CDKN2B-AS1: variants seen among roughly 807,000 people sequenced by gnomAD.
The protein encoded by CDKN2B-AS1 is CDKN2B antisense RNA 1 (non-protein coding).
chr9:22,074,686 T>C (rs1368970507), intron 4 of CDKN2B-AS1, among the ~76,000 whole-genome samples: 1 of 152,216 alleles, frequency 6.6e-6, no homozygotes. Flanking sequence ...ATGCTTTTCT[T>C]GCACTTTACT....
intron 1 of CDKN2B-AS1, among the ~76,000 whole-genome samples, chr9:22,010,349 T>C (rs1185655492): frequency 6.6e-6 from 1 of 152,212 alleles, no homozygotes; most frequent in African/African-American, 2.4e-5. Flanking sequence ...CCGCAAGTTA[T>C]GGATTTGTTG....
intron 1 of CDKN2B-AS1, among the ~76,000 whole-genome samples, chr9:22,020,062 C>T (rs1821952699): frequency 6.6e-6 from 1 of 152,102 alleles, no homozygotes; most frequent in Admixed American, 6.5e-5. Context: ...TGTGTTGTTC[C>T]CCTCTGTGTG....
chr9:22,124,623 A>T (rs1396537329), intron 4 of CDKN2B-AS1, among the ~76,000 whole-genome samples: 1 of 152,184 alleles, frequency 6.6e-6, no homozygotes, highest in Non-Finnish European at 1.5e-5. Context: ...TCTATTTTTT[A>T]AAAAACTAAC....
At chr9:22,079,507 A>T (rs777714060) in intron 4 of CDKN2B-AS1, among the ~76,000 whole-genome samples, 4 of 107,852 alleles carry the variant, frequency 3.7e-5, no homozygotes, top group East Asian at 2.1e-4. Flanking sequence ...AACACCATCT[A>T]AAAAAAAAAA....
chr9:22,068,360 T>C (rs1320876457), intron 4 of CDKN2B-AS1, among the ~76,000 whole-genome samples: 1 of 152,116 alleles, frequency 6.6e-6, no homozygotes, highest in African/African-American at 2.4e-5. Flanking sequence ...TGCAAGGGAA[T>C]ATAATCTAAT....
chr9:22,110,468 G>A (rs1825777284), intron 4 of CDKN2B-AS1, among the ~76,000 whole-genome samples: 1 of 152,040 alleles, frequency 6.6e-6, no homozygotes, highest in Non-Finnish European at 1.5e-5. Flanking sequence ...AGTACTTTTT[G>A]GTATTTTCTT....
intron 4 of CDKN2B-AS1, among the ~76,000 whole-genome samples, chr9:22,087,282 G>T (rs1047891994): frequency 6.6e-6 from 1 of 152,234 alleles, no homozygotes; most frequent in Non-Finnish European, 1.5e-5. Context: ...GTTGGGTGAA[G>T]AGTTGGTGCT....
At chr9:22,042,663 A>G (rs1822944297) in intron 1 of CDKN2B-AS1, among the ~76,000 whole-genome samples, 1 of 152,092 alleles carries the variant, frequency 6.6e-6, no homozygotes, top group Non-Finnish European at 1.5e-5. Flanking sequence ...ATGTCTTCAG[A>G]ATGTTGTTTC....
At chr9:22,093,714 C>T (rs1217213721) in intron 4 of CDKN2B-AS1, among the ~76,000 whole-genome samples, 1 of 143,510 alleles carries the variant, frequency 7.0e-6, no homozygotes, top group Admixed American at 6.8e-5. Flanking sequence ...ATGTGTGTTT[C>T]TGCACATGAG....
At chr9:22,101,282 C>G (rs575003977) in intron 4 of CDKN2B-AS1, among the ~76,000 whole-genome samples, 1 of 152,010 alleles carries the variant, frequency 6.6e-6, no homozygotes, top group South Asian at 2.1e-4. Flanking sequence ...TTTCAATGCT[C>G]ATAACAATCT....
intron 2 of CDKN2B-AS1, among the ~76,000 whole-genome samples, chr9:22,047,473 G>A (rs577155056): frequency 6.6e-6 from 1 of 152,272 alleles, no homozygotes; most frequent in South Asian, 2.1e-4. Context: ...AAGAACTAAT[G>A]AGCTGAAGAA....
intron 4 of CDKN2B-AS1, among the ~76,000 whole-genome samples, chr9:22,064,889 A>G (rs1823976391): frequency 6.6e-6 from 1 of 152,218 alleles, no homozygotes; most frequent in African/African-American, 2.4e-5. Context: ...CATTTCTCCC[A>G]TCCTTGGAGT....
intron 1 of CDKN2B-AS1, among the ~76,000 whole-genome samples, chr9:22,024,539 G>A (rs1442497134): frequency 1.3e-5 from 2 of 152,222 alleles, no homozygotes; most frequent in Non-Finnish European, 2.9e-5. Flanking sequence ...AAGCAGGAGG[G>A]ATTGCTCAGG....
intron 4 of CDKN2B-AS1, among the ~76,000 whole-genome samples, chr9:22,111,522 C>A (rs900540052): frequency 1.3e-5 from 2 of 152,106 alleles, no homozygotes; most frequent in Non-Finnish European, 2.9e-5. Flanking sequence ...GCACTACTAT[C>A]TCTTTCTTAC....
Position 22,012,059 on chromosome 9 carries a change from T to G in CDKN2B-AS1, n.29+16898T>G. 5.1e-6 allele frequency: 3 copies of G among 593,412 alleles called. No individual in the cohort carries two copies. The South Asian group carries it at 6.1e-5, about 12-fold the overall frequency. 36.8% of individuals were successfully genotyped at this position (593,412 alleles called of 1,614,324 possible). A position where few individuals can be genotyped will look rare whatever the true frequency, so the allele number is the denominator to read the frequency against. ...AGTAATAATATTTTTATATTCTAGTTGGTGAAATTGTCTGTATATGACCTT... is the reference window on the plus strand; with the variant it reads ...AGTAATAATATTTTTATATTCTAGTGGGTGAAATTGTCTGTATATGACCTT... On this transcript the variant is annotated intron_variant and non_coding_transcript_variant, in intron 1 of 4. Coordinates refer to ENST00000650946, the Ensembl canonical transcript of CDKN2B-AS1.
At chr9:22,086,430 C>T (rs761554062) in intron 4 of CDKN2B-AS1, among the ~76,000 whole-genome samples, 6 of 152,070 alleles carry the variant, frequency 3.9e-5, no homozygotes, top group Non-Finnish European at 5.9e-5. Context: ...GAAATTTACC[C>T]GTCAGGGCCA....
At chr9:22,084,950 A>G (rs1037068931) in intron 4 of CDKN2B-AS1, among the ~76,000 whole-genome samples, 2 of 152,220 alleles carry the variant, frequency 1.3e-5, no homozygotes, top group African/African-American at 4.8e-5. Context: ...TAAGTGACAG[A>G]TATCTAAGAT....
At chr9:22,047,125 G>C (rs988764534) in intron 2 of CDKN2B-AS1, among the ~76,000 whole-genome samples, 4 of 152,074 alleles carry the variant, frequency 2.6e-5, no homozygotes, top group African/African-American at 9.7e-5. Context: ...GAAACAAATA[G>C]TCTTTCATCT....
chr9:22,115,723 G>C (rs1487283270), intron 4 of CDKN2B-AS1, among the ~76,000 whole-genome samples: 2 of 152,080 alleles, frequency 1.3e-5, no homozygotes, highest in Non-Finnish European at 2.9e-5. Context: ...TATCAGCTTG[G>C]ATCACATGGA....
Sources: gnomAD v4.1 joint callset for allele counts (sites outside exome capture counted in the v4.1 genomes callset) on GRCh38, gnomAD v4.1.1 for gene constraint, MANE v1.5 for transcripts, NCBI Gene and HGNC (gene_info 2026-07-23, HGNC 2026-07-21) for gene names.